Variants in MACROD2 observed in about 807,000 individuals in gnomAD.
MACROD2 encodes the protein ADP-ribose glycohydrolase MACROD2.
Under a neutral mutation model 70.4 loss-of-function variants are expected in MACROD2, and 36 were observed. That is an observed-to-expected ratio of 0.51 (90% CI 0.39 to 0.68). MACROD2 has a LOEUF of 0.68. MACROD2 is among the 30% of genes least tolerant of loss of function. The probability of loss-of-function intolerance (pLI) is 0.00; values close to 1 mark genes in which losing one functional copy is unlikely to be tolerated. For missense variants in MACROD2, 496 were observed against 538.4 expected (o/e 0.92, Z 0.78); for synonymous variants, 172 against 178.8 (o/e 0.96, Z 0.30).
chr20:15,235,262 G>C (rs1449002741), intron 6 of MACROD2, among the ~76,000 whole-genome samples: 1 of 152,100 alleles, frequency 6.6e-6, no homozygotes, highest in African/African-American at 2.4e-5. Context: ...AATTGACATA[G>C]GAATTTAGTG....
At position 15,557,213 on chromosome 20, in the gene MACROD2, TAAA is replaced by T. The variant is rs10717426; in HGVS notation, c.645+57380_645+57382del. Among the ~76,000 whole-genome samples the T allele has an allele frequency of 5.0e-3, 705 of 141,400 alleles. 10 individuals are homozygous for T. Among genetic ancestry groups the T allele is most frequent in the African/African-American group, 0.017 (668 of 39,540 alleles). The allele number at this position is 141,400 out of a possible 152,430, so 92.8% of individuals were successfully genotyped here. On this transcript the variant is annotated intron_variant, in intron 8 of 17. Transcript: ENST00000684519. ...TAAGTAGGCAAATTTGGAGATTCCT[TAAA>T]AAAAAAAAAAAAATGTTTTCCTTAG...
At chr20:15,163,101 T>G (rs2076359689) in intron 5 of MACROD2, among the ~76,000 whole-genome samples, 1 of 151,872 alleles carries the variant, frequency 6.6e-6, no homozygotes, top group Admixed American at 6.6e-5. Context: ...ACACTGAAAC[T>G]ATAACATGAA....
intron 5 of MACROD2, among the ~76,000 whole-genome samples, chr20:15,212,718 G>C (rs1211782748): frequency 6.6e-6 from 1 of 152,156 alleles, no homozygotes; most frequent in Non-Finnish European, 1.5e-5. Context: ...TCAGTGATGG[G>C]TAAAATTTTG....
intron 6 of MACROD2, among the ~76,000 whole-genome samples, chr20:15,296,356 T>A (rs570546842): frequency 6.6e-6 from 1 of 152,212 alleles, no homozygotes; most frequent in Admixed American, 6.5e-5. Flanking sequence ...TTAAAAGACA[T>A]CCACCTGAAG....
intron 5 of MACROD2, among the ~76,000 whole-genome samples, chr20:14,879,440 C>T (rs1000807065): frequency 1.3e-5 from 2 of 152,112 alleles, no homozygotes; most frequent in Admixed American, 6.5e-5. Flanking sequence ...TAAAGGTATA[C>T]ACATATAGAT....
intron 6 of MACROD2, among the ~76,000 whole-genome samples, chr20:15,323,935 T>G (rs1378042878): frequency 2.0e-5 from 3 of 152,066 alleles, no homozygotes; most frequent in Non-Finnish European, 4.4e-5. Flanking sequence ...TTCATCCCCT[T>G]GACTTTATTT....
chr20:16,008,515 A>G (rs1336911791), intron 15 of MACROD2, among the ~76,000 whole-genome samples: 45 of 152,216 alleles, frequency 3.0e-4, no homozygotes, highest in Admixed American at 2.9e-3. Context: ...CAGCCAGCCC[A>G]ATTCTGAAGC....
At chr20:14,950,388 G>T (rs148491410) in intron 5 of MACROD2, among the ~76,000 whole-genome samples, 2 of 152,196 alleles carry the variant, frequency 1.3e-5, no homozygotes, top group African/African-American at 4.8e-5. Flanking sequence ...GGGTCTAAGG[G>T]AATGACCAAA....
intron 5 of MACROD2, among the ~76,000 whole-genome samples, chr20:14,907,462 CAGTA>C (rs2073972968): frequency 6.6e-6 from 1 of 152,156 alleles, no homozygotes. Flanking sequence ...TGCACTGTGT[CAGTA>C]AGTGATAGAA....
chr20:14,071,041 A>C (rs1055960975), intron 2 of MACROD2, among the ~76,000 whole-genome samples: 3 of 152,142 alleles, frequency 2.0e-5, no homozygotes, highest in African/African-American at 7.2e-5. Context: ...GTACCTGGTG[A>C]TGATCCCTTA....
chr20:14,301,324 A>C (rs1366314619), intron 3 of MACROD2, among the ~76,000 whole-genome samples: 1 of 152,236 alleles, frequency 6.6e-6, no homozygotes, highest in Middle Eastern at 3.2e-3. Context: ...TAAAGAAAAA[A>C]TAAAAAATGA....
intron 5 of MACROD2, among the ~76,000 whole-genome samples, chr20:15,086,337 G>A (rs985565128): frequency 1.3e-5 from 2 of 152,066 alleles, no homozygotes; most frequent in African/African-American, 4.8e-5. Flanking sequence ...TTTATGAAAA[G>A]CATTTTGTTT....
chr20:15,728,165 G>GT (rs2050891569), intron 8 of MACROD2, among the ~76,000 whole-genome samples: 1 of 152,082 alleles, frequency 6.6e-6, no homozygotes, highest in South Asian at 2.1e-4. Context: ...TAACCATGTG[G>GT]TTTTTGTTTT....
intron 4 of MACROD2, among the ~76,000 whole-genome samples, chr20:14,565,126 A>G (rs958152760): frequency 6.6e-6 from 1 of 151,908 alleles, no homozygotes; most frequent in African/African-American, 2.4e-5. Context: ...GGTGAGAGCT[A>G]AACAATGGAC....
chr20:15,025,360 T>C (rs2075221960), intron 5 of MACROD2, among the ~76,000 whole-genome samples: 1 of 152,078 alleles, frequency 6.6e-6, no homozygotes, highest in Non-Finnish European at 1.5e-5. Flanking sequence ...AAGAGGCAGC[T>C]CTGATGGTCT....
intron 5 of MACROD2, among the ~76,000 whole-genome samples, chr20:15,171,811 A>G (rs973861491): frequency 6.6e-6 from 1 of 152,178 alleles, no homozygotes; most frequent in Non-Finnish European, 1.5e-5. Context: ...TAAATGATGT[A>G]GTTGTATTTT....
chr20:14,142,124 A>G (rs2054883982), intron 3 of MACROD2, among the ~76,000 whole-genome samples: 1 of 152,202 alleles, frequency 6.6e-6, no homozygotes, highest in Non-Finnish European at 1.5e-5. Flanking sequence ...ATTAGCATTT[A>G]TATTATATAA....
At chr20:15,729,507 G>A (rs1390215511) in intron 8 of MACROD2, among the ~76,000 whole-genome samples, 4 of 152,124 alleles carry the variant, frequency 2.6e-5, no homozygotes, top group African/African-American at 7.2e-5. Context: ...TGCTATTATT[G>A]TGTGGTTATC....
intron 6 of MACROD2, among the ~76,000 whole-genome samples, chr20:15,388,133 A>G (rs1052358927): frequency 6.6e-6 from 1 of 152,100 alleles, no homozygotes; most frequent in Admixed American, 6.6e-5. Context: ...AAGGAAGAGT[A>G]AGAGTAAGCC....
Sources: gnomAD v4.1 joint callset for allele counts (sites outside exome capture counted in the v4.1 genomes callset) on GRCh38, gnomAD v4.1.1 for gene constraint, MANE v1.5 for transcripts, NCBI Gene and HGNC (gene_info 2026-07-23, HGNC 2026-07-21) for gene names.